Variants in PTPRD observed in about 807,000 individuals in gnomAD.
The protein encoded by PTPRD is receptor-type tyrosine-protein phosphatase delta.
In PTPRD, 34 loss-of-function variants were observed where a neutral mutation model predicts 214.5. The ratio of observed to expected loss-of-function variants is 0.16; its 90% CI spans 0.12 to 0.21. The LOEUF (loss-of-function observed/expected upper bound fraction) is 0.21, where lower values mean the gene tolerates loss of function less well. Ranked by LOEUF, PTPRD falls within the 10% of genes least tolerant of loss-of-function variation. The pLI, the probability that PTPRD is intolerant of heterozygous loss-of-function variation, is 1.00. For missense variants in PTPRD, 2,545 were observed against 2,398.7 expected (o/e 1.06, Z -1.27); for synonymous variants, 1,128 against 845.7 (o/e 1.33, Z -5.79).
chr9:9,502,682 C>G (rs891140992), intron 8 of PTPRD, among the ~76,000 whole-genome samples: 16 of 151,660 alleles, frequency 1.1e-4, no homozygotes, highest in Non-Finnish European at 1.6e-4. Context: ...CTGTAAACAA[C>G]CCAGATTTTC....
At chr9:8,769,085 A>G (rs889599420) in intron 11 of PTPRD, among the ~76,000 whole-genome samples, 1 of 152,216 alleles carries the variant, frequency 6.6e-6, no homozygotes, top group African/African-American at 2.4e-5. Flanking sequence ...ATGATTTATG[A>G]ATCACCCAAG....
intron 5 of PTPRD, among the ~76,000 whole-genome samples, chr9:9,900,674 G>A (rs1601505919): frequency 8.2e-6 from 1 of 122,028 alleles, no homozygotes; most frequent in African/African-American, 4.1e-5. Flanking sequence ...GTCTTGCTCT[G>A]TTGCCAGGCT....
At chr9:8,501,372 C>G (rs1376080616) in intron 23 of PTPRD, among the ~76,000 whole-genome samples, 2 of 152,106 alleles carry the variant, frequency 1.3e-5, no homozygotes, top group Non-Finnish European at 2.9e-5. Context: ...TCTTCTAAAC[C>G]AATCCCTCAG....
chr9:10,013,331 A>G (rs2096638374), intron 4 of PTPRD, among the ~76,000 whole-genome samples: 2 of 151,956 alleles, frequency 1.3e-5, no homozygotes, highest in African/African-American at 2.4e-5. Context: ...GAATAAAATT[A>G]AATTTGTATT....
chr9:10,170,522 C>T (rs2099195389), intron 3 of PTPRD, among the ~76,000 whole-genome samples: 4 of 151,988 alleles, frequency 2.6e-5, no homozygotes, highest in Non-Finnish European at 5.9e-5. Context: ...CCCGTCTCTA[C>T]TAAAAACACA....
chr9:10,162,416 CA>C (rs1292220302), intron 3 of PTPRD, among the ~76,000 whole-genome samples: 1 of 150,898 alleles, frequency 6.6e-6, no homozygotes, highest in Non-Finnish European at 1.5e-5. Flanking sequence ...AACTGTATAT[CA>C]TTATATTAAG....
chr9:9,454,924 A>T (rs1289219580), intron 8 of PTPRD, among the ~76,000 whole-genome samples: 2 of 151,524 alleles, frequency 1.3e-5, no homozygotes, highest in East Asian at 3.9e-4. Flanking sequence ...TCATTGTTTA[A>T]ATAGAATCTG....
chr9:8,507,020 G>A (rs2097556245), intron 22 of PTPRD, among the ~76,000 whole-genome samples: 1 of 152,040 alleles, frequency 6.6e-6, no homozygotes, highest in South Asian at 2.1e-4. Flanking sequence ...ATACATCTAT[G>A]GAACTTGGAA....
At chr9:8,777,419 C>T (rs979759040) in intron 11 of PTPRD, among the ~76,000 whole-genome samples, 2 of 152,108 alleles carry the variant, frequency 1.3e-5, no homozygotes, top group Admixed American at 1.3e-4. Flanking sequence ...TAGTTAACAG[C>T]AAGACATTTT....
chr9:10,205,792 T>C (rs1004300354), intron 3 of PTPRD, among the ~76,000 whole-genome samples: 1 of 152,170 alleles, frequency 6.6e-6, no homozygotes, highest in Non-Finnish European at 1.5e-5. Context: ...AATTCAACTA[T>C]TTTATAATAA....
intron 11 of PTPRD, among the ~76,000 whole-genome samples, chr9:8,969,760 A>G (rs2099224928): frequency 6.6e-6 from 1 of 152,004 alleles, no homozygotes; most frequent in African/African-American, 2.4e-5. Flanking sequence ...AATGAGGAGT[A>G]TGATCTCATA....
intron 12 of PTPRD, among the ~76,000 whole-genome samples, chr9:8,657,707 C>T (rs2096941126): frequency 6.6e-6 from 1 of 152,124 alleles, no homozygotes; most frequent in African/African-American, 2.4e-5. Context: ...GAAATCTTTG[C>T]CCGTGCCTAT....
chr9:8,886,736 A>T (rs764508323), intron 11 of PTPRD, among the ~76,000 whole-genome samples: 1 of 152,198 alleles, frequency 6.6e-6, no homozygotes, highest in Non-Finnish European at 1.5e-5. Context: ...CATTTTGCCA[A>T]GTAAACAAAC....
chr9:10,507,799 C>A (rs1034499422), intron 2 of PTPRD, among the ~76,000 whole-genome samples: 2 of 151,952 alleles, frequency 1.3e-5, no homozygotes, highest in African/African-American at 2.4e-5. Flanking sequence ...AAAATTAATT[C>A]AAGGTGGATT....
At chr9:8,443,762 G>T (rs571259107) in intron 34 of PTPRD, among the ~76,000 whole-genome samples, 16 of 152,152 alleles carry the variant, frequency 1.1e-4, no homozygotes, top group African/African-American at 3.9e-4. Context: ...GGTAATGATT[G>T]GTGCACCACC....
chr9:8,963,310 A>C (rs182160814), intron 11 of PTPRD, among the ~76,000 whole-genome samples: 3 of 152,288 alleles, frequency 2.0e-5, no homozygotes, highest in South Asian at 2.1e-4. Context: ...GAAGTAATAC[A>C]TGGGAGGATT....
chr9:9,138,730 C>G (rs2099855026), intron 10 of PTPRD, among the ~76,000 whole-genome samples: 1 of 152,042 alleles, frequency 6.6e-6, no homozygotes, highest in Admixed American at 6.6e-5. Context: ...TAATTCAGAA[C>G]TAAACAGTTC....
chr9:9,571,630 AT>A (rs1184392653), intron 8 of PTPRD, among the ~76,000 whole-genome samples: 1 of 151,130 alleles, frequency 6.6e-6, no homozygotes, highest in Non-Finnish European at 1.5e-5. Context: ...TTAAAGTAAA[AT>A]AATTTTGTTA....
At chr9:8,900,629 G>C (rs1347964208) in intron 11 of PTPRD, among the ~76,000 whole-genome samples, 1 of 152,138 alleles carries the variant, frequency 6.6e-6, no homozygotes, top group African/African-American at 2.4e-5. Context: ...GTAGGTTGGG[G>C]ATGGTCATGA....
Sources: gnomAD v4.1 joint callset for allele counts (sites outside exome capture counted in the v4.1 genomes callset) on GRCh38, gnomAD v4.1.1 for gene constraint, MANE v1.5 for transcripts, NCBI Gene and HGNC (gene_info 2026-07-23, HGNC 2026-07-21) for gene names.